Variants in F10 observed in about 807,000 individuals in gnomAD.
F10 encodes the protein Stuart-Prower factor.
In F10, 29 loss-of-function variants were observed where a neutral mutation model predicts 37.1. That is an observed-to-expected ratio of 0.78 (90% CI 0.58 to 1.07). The LOEUF is 1.07. Among genes scored for constraint, F10 ranks in the 50% least tolerant of loss-of-function variants. The pLI, the probability that F10 is intolerant of heterozygous loss-of-function variation, is 0.00. For missense variants in F10, 539 were observed against 667.9 expected, an observed-to-expected ratio of 0.81 and a Z score of 2.13; for synonymous variants, 262 against 268.6, an observed-to-expected ratio of 0.98 and a Z score of 0.24.
chr13:113,142,322 A>ACC (rs574238285), intron 5 of F10, among the ~76,000 whole-genome samples: 198 of 151,952 alleles, frequency 1.3e-3, no homozygotes, highest in Non-Finnish European at 2.4e-3. Context: ...CGGGCGGATC[A>ACC]TGAGGTCAGG....
At chr13:113,133,993 C>A (rs2036456687) in intron 2 of F10, among the ~76,000 whole-genome samples, 3 of 152,054 alleles carry the variant, frequency 2.0e-5, no homozygotes. Context: ...TTATAAAAAA[C>A]CTATCAGCAG....
In F10 at chr13:113,145,609, C is replaced by T. The variant is rs1046274140; in HGVS notation, c.747+1514C>T. 4.6e-5 allele frequency among the ~76,000 whole-genome samples: 7 copies of T among 152,206 alleles called. No homozygotes were observed. In the South Asian group the frequency reaches 6.2e-4, roughly 14 times the overall value. On this transcript the variant is annotated intron_variant, in intron 6 of 7. Coordinates refer to ENST00000375559, the MANE Select transcript of F10 (RefSeq NM_000504.4). ...TTCACACTGCTGACACATACATACC[C>T]GAGACTGGGTAATTTATAAAGAAAA...
rs371817680 is a variant in F10, at chr13:113,149,008, G to C, written c.958G>C (p.Asp320His). The change falls in exon 8 of 8, where the codon GAC (aspartate) becomes CAC (histidine). Residue 320 changes from aspartate to histidine, a missense_variant. Physicochemically the swap from Asp to His is moderately conservative, Grantham distance 81. This residue lies in a region of F10 where 409 missense variants were observed against 547.9 expected (regional missense o/e 0.75). Coordinates refer to ENST00000375559, the MANE Select transcript of F10 (RefSeq NM_000504.4). The surrounding 1 kb of genome is among the most constrained non-coding windows in gnomAD (Gnocchi z 7.5). The part of the protein sequence containing the change: ...KHNRFTKETY[D>H]FDIAVLRLKT... ...CAACCGGTTCACAAAGGAGACCTATGACTTCGACATCGCCGTGCTCCGGCT... is the reference window on the plus strand; with the variant it reads ...CAACCGGTTCACAAAGGAGACCTATCACTTCGACATCGCCGTGCTCCGGCT... The C allele has an allele frequency of 4.3e-6, 7 of 1,613,452 alleles. No individual in the cohort carries two copies. The highest frequency in any genetic ancestry group is 5.9e-6 in the Non-Finnish European group (7 of 1,180,024).
In F10 at chr13:113,143,366, CTT is replaced by C. The variant is rs554254571; in HGVS notation, c.503-478_503-477del. Among the ~76,000 whole-genome samples, 2 of 152,076 alleles carry C rather than the reference CTT, an allele frequency of 1.3e-5. No homozygotes were observed. The highest frequency in any genetic ancestry group is 4.8e-5 in the African/African-American group (2 of 41,406). On this transcript the variant is annotated intron_variant, in intron 5 of 7. Transcript: ENST00000375559. This position sits in a 1 kb window ranked among gnomAD's most constrained non-coding sequence, Gnocchi z 6.8. ...GTGCGCCATTCCTTCTGCCTGAAAA[CTT>C]TTTTTTCTTCAATGTTTCATTAGGA...
rs1190682185 is a variant in F10 at position 113,140,943 on chromosome 13, A to C, written c.395A>C (p.Asp132Ala). ...ELFTRKLCSL[D>A]NGDCDQFCHE... is the part of the protein sequence containing the mutation. Reference sequence around the variant, plus strand: ...GTCACACGGAAGCTCTGCAGCCTGGACAACGGGGACTGTGACCAGTTCTGC... The same window carrying C: ...GTCACACGGAAGCTCTGCAGCCTGGCCAACGGGGACTGTGACCAGTTCTGC... The change falls in exon 5 of 8, where the codon GAC becomes GCC. Residue 132 changes from aspartate to alanine, a missense_variant. By Grantham distance (126) the Asp-to-Ala change is moderately radical. Around this residue, in one of 2 missense-constraint regions of F10, gnomAD observed 409 missense variants for 547.9 expected, o/e 0.75. Transcript: ENST00000375559. 1.2e-6 allele frequency: 2 copies of C among 1,614,008 alleles called. No homozygotes were observed. Among genetic ancestry groups the C allele is most frequent in the Non-Finnish European group, 1.7e-6 (2 of 1,180,050 alleles).
chr13:113,144,223 C>T lies in F10; in HGVS notation c.747+128C>T. The T allele has an allele frequency of 7.1e-7, 1 of 1,417,202 alleles. No individual in the cohort carries two copies. The highest frequency in any genetic ancestry group is 1.9e-5 in the Admixed American group (1 of 51,718). The allele number at this position is 1,417,202 out of a possible 1,614,324, so 87.8% of individuals were successfully genotyped here. Reference sequence around the variant, plus strand: ...ACTGTTCCGAACTAGGACAGAGGGGCTCCGCCACCCAAGCCTGCCTGCCTG... The same window carrying T: ...ACTGTTCCGAACTAGGACAGAGGGGTTCCGCCACCCAAGCCTGCCTGCCTG... On this transcript the variant is annotated intron_variant, in intron 6 of 7. Coordinates refer to ENST00000375559, the MANE Select transcript of F10 (RefSeq NM_000504.4). This position sits in a 1 kb window ranked among gnomAD's most constrained non-coding sequence, Gnocchi z 6.4.
chr13:113,128,886 GAAA>G lies in F10; in HGVS notation c.71-543_71-541del, dbSNP rs778396585. On this transcript the variant is annotated intron_variant, in intron 1 of 7. Coordinates refer to ENST00000375559, the MANE Select transcript of F10 (RefSeq NM_000504.4). ...ACAGAGCAAAACACCATCTTAAAGA[GAAA>G]AAAAAAAAAAAAAAAAAAAAAAGGT... 57 of 44,820 alleles carry G rather than the reference GAAA, an allele frequency of 1.3e-3. 1 individual carries two copies. The highest frequency in any genetic ancestry group is 3.6e-3 in the East Asian group (4 of 1,122). The allele number at this position is 44,820 out of a possible 1,614,324, so 2.8% of individuals were successfully genotyped here.
At chr13:113,129,844 G>A (rs559839610) in intron 2 of F10, 1 of 572,540 alleles carries the variant, frequency 1.7e-6, no homozygotes, top group South Asian at 1.9e-5. Context: ...GGGGAGGGAT[G>A]CGCCCAAGTC....
At position 113,139,489 on chromosome 13, in the gene F10, T is replaced by C. The variant is rs370561789; in HGVS notation, c.370+19T>C. ...GAATTATGTAGGTTCCTCTGCTTGG[T>C]ATACCTTCAGATCAGATGCCCCTGA... On this transcript the variant is annotated intron_variant, in intron 4 of 7. Transcript: ENST00000375559. This position sits in a 1 kb window ranked among gnomAD's most constrained non-coding sequence, Gnocchi z 5.2. 11 of 1,592,344 alleles carry C rather than the reference T, an allele frequency of 6.9e-6. No homozygotes were observed. The highest frequency in any genetic ancestry group is 9.5e-6 in the Non-Finnish European group (11 of 1,160,512).
chr13:113,138,734 A>G (rs2036501179), intron 3 of F10, among the ~76,000 whole-genome samples: 1 of 152,258 alleles, frequency 6.6e-6, no homozygotes, highest in Admixed American at 6.5e-5. Context: ...ACCAAATTCC[A>G]TGATAACTTT....
rs1168872110 is a variant in F10, at chr13:113,144,909, C to T, written c.747+814C>T. 9.4e-5 allele frequency among the ~76,000 whole-genome samples: 13 copies of T among 137,642 alleles called. No individual in the cohort carries two copies. Among genetic ancestry groups the T allele is most frequent in the African/African-American group, 3.3e-4 (12 of 36,062 alleles). 90.3% of individuals were successfully genotyped at this position (137,642 alleles called of 152,430 possible). A position where few individuals can be genotyped will look rare whatever the true frequency, so the allele number is the denominator to read the frequency against. The stretch of plus-strand genomic sequence containing the variant: ...TTTTTTTTTTTTTGAGACGGAGTCT[C>T]ACTCTGTCGCCCAGGCTGGAGTGCA... On this transcript the variant is annotated intron_variant, in intron 6 of 7. Transcript: ENST00000375559. The surrounding 1 kb of genome is among the most constrained non-coding windows in gnomAD (Gnocchi z 6.4).
At chr13:113,129,354 T>G in intron 1 of F10, 98 bp from the exon 2 acceptor site, 1 of 1,486,378 alleles carries the variant, frequency 6.7e-7, no homozygotes, top group Non-Finnish European at 9.4e-7. Context: ...TTTTGTGATC[T>G]GGATATGGCA....
At chr13:113,137,460 G>T (rs999074772) in intron 2 of F10, among the ~76,000 whole-genome samples, 1 of 152,150 alleles carries the variant, frequency 6.6e-6, no homozygotes, top group Non-Finnish European at 1.5e-5. Flanking sequence ...ATTCATAGAA[G>T]TGTACACCAA....
In F10 at chr13:113,140,823, T is replaced by A; in HGVS notation, c.371-96T>A. ...TTTGCTCAACCCAATGGCCGCTTTG[T>A]GGCTGACAGGCAAGTGGATGTAGCT... On this transcript the variant is annotated intron_variant, in intron 4 of 7. Transcript: ENST00000375559. The A allele has an allele frequency of 2.5e-6, 4 of 1,594,646 alleles. No individual in the cohort carries two copies. In the South Asian group the frequency reaches 4.4e-5, roughly 18 times the overall value.
At chr13:113,147,560 C>A in intron 7 of F10, 64 bp downstream of exon 7, 1 of 984,572 alleles carries the variant, frequency 1.0e-6, no homozygotes, top group Non-Finnish European at 1.7e-6. Context: ...TTTTCAGAAA[C>A]CACTAAAGCT....
chr13:113,130,570 C>T (rs982123273), intron 2 of F10: 1 of 152,310 alleles, frequency 6.6e-6, no homozygotes, highest in Non-Finnish European at 1.5e-5. Context: ...ATCAGCCACA[C>T]CACTAACTGT....
At chr13:113,138,286 C>T (rs2036497366) in intron 2 of F10, among the ~76,000 whole-genome samples, 171 bp from the exon 3 acceptor site, 1 of 152,180 alleles carries the variant, frequency 6.6e-6, no homozygotes, top group African/African-American at 2.4e-5. Context: ...TGCAGAAGAT[C>T]TGAATAGCTT....
chr13:113,133,043 G>A (rs2036447718), intron 2 of F10, among the ~76,000 whole-genome samples: 7 of 152,090 alleles, frequency 4.6e-5, no homozygotes, highest in Admixed American at 4.6e-4. Flanking sequence ...ATTTTGAGCT[G>A]AACAAAAATG....
intron 1 of F10, among the ~76,000 whole-genome samples, chr13:113,124,716 G>C (rs547310564): frequency 6.6e-6 from 1 of 152,384 alleles, no homozygotes; most frequent in Non-Finnish European, 1.5e-5. Context: ...TTCTGGGGCG[G>C]TGGGACCTCA....
Sources: gnomAD v4.1 joint callset for allele counts (sites outside exome capture counted in the v4.1 genomes callset) on GRCh38, gnomAD v4.1.1 for gene constraint, gnomAD v4.1.1 regional missense constraint, Gnocchi (gnomAD v3.1) non-coding constraint, MANE v1.5 for transcripts, NCBI Gene and HGNC (gene_info 2026-07-23, HGNC 2026-07-21) for gene names.